The following MBP variants were observed in gnomAD, a reference collection of about 807,000 sequenced individuals.
MBP encodes Golli-MBP.
A neutral mutation model predicts 35.8 loss-of-function variants in MBP; 16 were observed. That is an observed-to-expected ratio of 0.45 (90% CI 0.30 to 0.68). MBP has a LOEUF of 0.68. Among genes scored for constraint, MBP ranks in the 30% least tolerant of loss-of-function variants. The pLI, the probability that MBP is intolerant of heterozygous loss-of-function variation, is 0.08. For synonymous variants in MBP, 143 were observed against 159.6 expected (o/e 0.90, Z 0.78); for missense variants, 380 against 404.7 (o/e 0.94, Z 0.52).
intron 2 of MBP, among the ~76,000 whole-genome samples, chr18:77,077,855 G>T (rs927585361): frequency 2.6e-5 from 4 of 152,268 alleles, no homozygotes; most frequent in African/African-American, 9.6e-5. Context: ...GGATCACCAA[G>T]GGAGGATTGC....
chr18:77,068,529 C>A (rs140897667), intron 2 of MBP, among the ~76,000 whole-genome samples: 4 of 152,344 alleles, frequency 2.6e-5, no homozygotes, highest in Non-Finnish European at 2.9e-5. Context: ...CTGCTCGGCT[C>A]ATTGGAGCAC....
chr18:76,987,024 T>C (rs1469411497), intron 7 of MBP: 9 of 985,302 alleles, frequency 9.1e-6, no homozygotes, highest in African/African-American at 3.5e-5. Context: ...AGAAGGATTT[T>C]GCTTTGGAAA....
At chr18:77,028,006 T>TTTATTTA (rs1234045855) in intron 3 of MBP, among the ~76,000 whole-genome samples, 761 of 52,074 alleles carry the variant, frequency 0.015, 1 homozygote, top group Non-Finnish European at 0.024. Flanking sequence ...TTATTTATTT[T>TTTATTTA]TTTATTGATC....
chr18:77,012,932 C>T (rs1250525740), intron 4 of MBP: 5 of 985,308 alleles, frequency 5.1e-6, no homozygotes, highest in East Asian at 1.1e-4. Flanking sequence ...ACAAATGTAT[C>T]GCTTATACAG....
At chr18:77,063,980 C>A (rs928395613) in intron 3 of MBP, among the ~76,000 whole-genome samples, 4 of 151,620 alleles carry the variant, frequency 2.6e-5, no homozygotes, top group African/African-American at 9.7e-5. Context: ...ATCTCAAAAG[C>A]AATTAGCTAG....
At position 76,989,914 on chromosome 18, in the gene MBP, C is replaced by G; in HGVS notation, c.681+42G>C. 2 of 1,526,186 alleles carry G rather than the reference C, an allele frequency of 1.3e-6. No individual in the cohort carries two copies. Among genetic ancestry groups the G allele is most frequent in the Non-Finnish European group, 1.8e-6 (2 of 1,102,212 alleles). The allele number at this position is 1,526,186 out of a possible 1,614,324, so 94.5% of individuals were successfully genotyped here. A position where few individuals can be genotyped will look rare whatever the true frequency, so the allele number is the denominator to read the frequency against. On this transcript the variant is annotated intron_variant, in intron 5 of 8. Transcript: ENST00000355994. This position sits in a 1 kb window ranked among gnomAD's most constrained non-coding sequence, Gnocchi z 4.0. ...GACAGCAGTGGCCAGCACCCCTCCTCCCCCTCACAGTTGCTACCTCTTCCC... is the reference window on the plus strand; with the variant it reads ...GACAGCAGTGGCCAGCACCCCTCCTGCCCCTCACAGTTGCTACCTCTTCCC...
chr18:77,040,198 A>G (rs778419635), intron 3 of MBP, among the ~76,000 whole-genome samples: 18 of 152,188 alleles, frequency 1.2e-4, no homozygotes, highest in Non-Finnish European at 7.3e-5. Flanking sequence ...TGTTTGGTAA[A>G]TGATCAAATA....
Position 77,102,021 on chromosome 18 carries a change from A to T in MBP, c.51+3190T>A, listed in dbSNP as rs1000682733. Among the ~76,000 whole-genome samples the T allele has an allele frequency of 1.3e-5, 2 of 152,152 alleles. No individual in the cohort carries two copies. The highest frequency in any genetic ancestry group is 4.8e-5 in the African/African-American group (2 of 41,442). ...CAGAGAGAGGAAAGTTCCCTCCTTG[A>T]TATAGGAGGGGAAGAAGTCGGATGA... is the stretch of plus-strand genomic sequence containing the variant. On this transcript the variant is annotated intron_variant, in intron 2 of 8. Coordinates refer to ENST00000355994, the MANE Select transcript of MBP (RefSeq NM_001025101.2). This position sits in a 1 kb window ranked among gnomAD's most constrained non-coding sequence, Gnocchi z 4.4.
intron 3 of MBP, among the ~76,000 whole-genome samples, chr18:77,023,494 T>C (rs1487955796): frequency 6.6e-6 from 1 of 152,138 alleles, no homozygotes; most frequent in African/African-American, 2.4e-5. Flanking sequence ...TCGTGGCTAA[T>C]TCCCTCATCT....
intron 3 of MBP, among the ~76,000 whole-genome samples, chr18:77,033,932 A>G (rs1972645336): frequency 6.6e-6 from 1 of 151,778 alleles, no homozygotes; most frequent in Non-Finnish European, 1.5e-5. Context: ...GCACAGTTCT[A>G]AGGATGCTCC....
chr18:76,986,702 C>T (rs924096964), intron 7 of MBP: 1 of 985,524 alleles, frequency 1.0e-6, no homozygotes, highest in Non-Finnish European at 1.2e-6. Context: ...TGGCAGAGGG[C>T]AGGTTGCCAG....
At chr18:77,109,260 G>C (rs1024613692) in intron 1 of MBP, 1 of 152,190 alleles carries the variant, frequency 6.6e-6, no homozygotes, top group Non-Finnish European at 1.5e-5. Flanking sequence ...GTCAAGGGAA[G>C]AAAAAAGGCT....
Position 77,105,408 on chromosome 18 carries a change from C to G in MBP, c.-25-122G>C, listed in dbSNP as rs572935001. Reference sequence around the variant, plus strand: ...ATGCCCATTTTTGAGAAGACGAAACCAAGGCCCTGAAAACAGAAGAGACAC... The same window carrying G: ...ATGCCCATTTTTGAGAAGACGAAACGAAGGCCCTGAAAACAGAAGAGACAC... On this transcript the variant is annotated intron_variant, in intron 1 of 8. Transcript: ENST00000355994. 4.3e-4 allele frequency: 250 copies of G among 580,848 alleles called. 3 individuals carry two copies. In the Middle Eastern group the frequency reaches 9.0e-3, roughly 21 times the overall value. 36.0% of individuals were successfully genotyped at this position (580,848 alleles called of 1,614,324 possible).
rs766571087 is a variant in MBP at position 77,016,846 on chromosome 18, G to A, written c.562C>T (p.Arg188Trp). The A allele has an allele frequency of 6.2e-6, 10 of 1,613,960 alleles. No individual in the cohort carries two copies. The highest frequency in any genetic ancestry group is 1.6e-4 in the Middle Eastern group (1 of 6,084). ...FFGGDRGAPK[R>W]GSGKDSHHPA... ...TCAGAGCTCACCTTGCCAGAGCCCC[G>A]CTTGGGCGCACCCCTGTCACCGCCA... Residue 188 changes from arginine (R) to tryptophan (W), a missense_variant, in exon 4 of 9, where the codon CGG becomes TGG. Physicochemically the swap from Arg to Trp is moderately radical, Grantham distance 101 (BLOSUM62 -3). Transcript: ENST00000355994.
At chr18:77,133,215 A>C (rs1452360332), upstream of MBP, among the ~76,000 whole-genome samples, 2 of 152,084 alleles carry the variant, frequency 1.3e-5, no homozygotes, top group African/African-American at 2.4e-5. Flanking sequence ...GCAGGAGGAG[A>C]GTCAGCCCGG....
At chr18:77,114,448 G>T (rs1388283741) in intron 1 of MBP, 1 of 152,240 alleles carries the variant, frequency 6.6e-6, no homozygotes, top group Non-Finnish European at 1.5e-5. Context: ...AAAAAAGGCA[G>T]ATCAAAGAGT....
chr18:77,131,835 G>C lies in MBP; in HGVS notation c.-26+745C>G, dbSNP rs1041522898. 3.9e-5 allele frequency among the ~76,000 whole-genome samples: 6 copies of C among 152,094 alleles called. No individual in the cohort carries two copies. Among genetic ancestry groups the C allele is most frequent in the Non-Finnish European group, 8.8e-5 (6 of 67,974 alleles). On this transcript the variant is annotated intron_variant, in intron 1 of 8. Transcript: ENST00000355994. This position sits in a 1 kb window ranked among gnomAD's most constrained non-coding sequence, Gnocchi z 5.5. ...AGGAGGGGACTGCCGGGAAGACCCG[G>C]GCGGGCCGGCGGGCGGCTGCGGGCG...
At chr18:77,070,615 C>T (rs1216121534) in intron 2 of MBP, among the ~76,000 whole-genome samples, 1 of 152,162 alleles carries the variant, frequency 6.6e-6, no homozygotes, top group Non-Finnish European at 1.5e-5. Context: ...TGTAAAAACA[C>T]AAAAACTAAA....
intron 2 of MBP, among the ~76,000 whole-genome samples, chr18:77,094,789 G>A (rs561968467): frequency 9.1e-4 from 139 of 152,300 alleles, no homozygotes; most frequent in Non-Finnish European, 1.8e-3. Flanking sequence ...GTTGTCCCAG[G>A]GGGGAGCCAC....
Sources: gnomAD v4.1 joint callset for allele counts (sites outside exome capture counted in the v4.1 genomes callset) on GRCh38, gnomAD v4.1.1 for gene constraint, Gnocchi (gnomAD v3.1) non-coding constraint, MANE v1.5 for transcripts, NCBI Gene and HGNC (gene_info 2026-07-23, HGNC 2026-07-21) for gene names.